CDH18: variants seen among roughly 807,000 people sequenced by gnomAD.
The protein encoded by CDH18 is cadherin-18.
Under a neutral mutation model 67.9 loss-of-function variants are expected in CDH18, and 31 were observed. That is an observed-to-expected ratio of 0.46 (90% CI 0.34 to 0.62). The LOEUF (loss-of-function observed/expected upper bound fraction) is 0.62. Ranked by LOEUF, CDH18 falls within the 20% of genes least tolerant of loss-of-function variation. CDH18 has a pLI of 0.01. For missense variants in CDH18, 890 were observed against 975.5 expected, an observed-to-expected ratio of 0.91 and a Z score of 1.17; for synonymous variants, 362 against 347.2, an observed-to-expected ratio of 1.04 and a Z score of -0.48.
At chr5:19,881,346 G>T (rs1460434549) in intron 2 of CDH18, among the ~76,000 whole-genome samples, 1 of 151,582 alleles carries the variant, frequency 6.6e-6, no homozygotes, top group Non-Finnish European at 1.5e-5. Context: ...GATTTTTTTT[G>T]TCAAGACAAA....
Position 19,605,765 on chromosome 5 carries a change from A to T in CDH18, c.811+6669T>A, listed in dbSNP as rs190704771. On this transcript the variant is annotated intron_variant, in intron 6 of 12. Coordinates refer to ENST00000382275, the MANE Select transcript of CDH18 (RefSeq NM_004934.5). ...ATATGCACATATACTGAGGGTATTT[A>T]AAAATATGTAGTGCTGGTTGAAAGA... Among the ~76,000 whole-genome samples, 825 of 152,238 alleles carry T rather than the reference A, an allele frequency of 5.4e-3. 7 individuals carry two copies. Among genetic ancestry groups the T allele is most frequent in the Non-Finnish European group, 8.3e-3 (564 of 68,010 alleles).
chr5:20,328,473 T>TTGTGTGTG (rs70954646), intron 1 of CDH18, among the ~76,000 whole-genome samples: 3 of 141,312 alleles, frequency 2.1e-5, no homozygotes, highest in African/African-American at 8.1e-5. Context: ...GAGAAGCCAT[T>TTGTGTGTG]TGTGTGTGTG....
rs1776427600 is a variant in CDH18 at position 19,792,154 on chromosome 5, ATTAGTAG to A, written c.229-44925_229-44919del. On this transcript the variant is annotated intron_variant, in intron 3 of 12. Coordinates refer to ENST00000382275, the MANE Select transcript of CDH18 (RefSeq NM_004934.5). The stretch of plus-strand genomic sequence containing the variant: ...TGTGTCTATGAGAATGTTTTTTTGA[ATTAGTAG>A]ATAGAGTAAAAAAGATCCCCCTCCC... 2.0e-5 allele frequency among the ~76,000 whole-genome samples: 3 copies of A among 152,100 alleles called. No individual in the cohort carries two copies. In the South Asian group the frequency reaches 6.2e-4, roughly 31 times the overall value.
intron 1 of CDH18, among the ~76,000 whole-genome samples, chr5:20,334,436 C>A (rs986034624): frequency 2.6e-4 from 40 of 152,166 alleles, no homozygotes; most frequent in African/African-American, 9.6e-4. Flanking sequence ...CGCGCCCGGC[C>A]TGACTTGAAT....
chr5:19,557,225 A>G (rs1264843054), intron 8 of CDH18, among the ~76,000 whole-genome samples: 1 of 152,086 alleles, frequency 6.6e-6, no homozygotes, highest in African/African-American at 2.4e-5. Context: ...ACAACAACAC[A>G]ATGAAATAAA....
intron 8 of CDH18, among the ~76,000 whole-genome samples, chr5:19,568,697 C>A (rs138026765): frequency 6.6e-6 from 1 of 152,294 alleles, no homozygotes; most frequent in East Asian, 1.9e-4. Context: ...GGGCTCTCTG[C>A]AAACCAGGAA....
At chr5:20,304,359 G>A (rs766163092) in intron 1 of CDH18, 2 of 1,495,208 alleles carry the variant, frequency 1.3e-6, no homozygotes, top group Non-Finnish European at 1.9e-6. Flanking sequence ...TTGTAAAATA[G>A]TTTACACTTT....
chr5:19,991,040 C>T (rs1181388087), upstream of CDH18, among the ~76,000 whole-genome samples: 3 of 152,136 alleles, frequency 2.0e-5, no homozygotes, highest in Non-Finnish European at 4.4e-5. Flanking sequence ...GACAGAGACA[C>T]ATCTAACACA....
At chr5:20,115,740 G>C (rs1747854122) in intron 2 of CDH18, among the ~76,000 whole-genome samples, 2 of 152,042 alleles carry the variant, frequency 1.3e-5, no homozygotes, top group African/African-American at 4.8e-5. Flanking sequence ...TAAATATTAT[G>C]ACTTCATGTA....
At chr5:20,306,171 C>T (rs1736432998) in intron 1 of CDH18, among the ~76,000 whole-genome samples, 2 of 152,096 alleles carry the variant, frequency 1.3e-5, no homozygotes, top group African/African-American at 4.8e-5. Flanking sequence ...AGGATCAAAA[C>T]ATAAAGGAAA....
chr5:19,811,172 AAG>A (rs1228106049), intron 3 of CDH18, among the ~76,000 whole-genome samples: 3 of 149,772 alleles, frequency 2.0e-5, no homozygotes, highest in African/African-American at 7.3e-5. Context: ...GAGAGAAAGA[AAG>A]AGAAGAAAGA....
intron 5 of CDH18, among the ~76,000 whole-genome samples, chr5:19,623,269 G>A (rs893807217): frequency 1.3e-4 from 20 of 152,238 alleles, no homozygotes; most frequent in African/African-American, 4.6e-4. Context: ...CATAGAACAC[G>A]ACTTCCTGTA....
intron 1 of CDH18, among the ~76,000 whole-genome samples, chr5:20,326,970 C>T (rs1376175273): frequency 6.6e-6 from 1 of 152,178 alleles, no homozygotes; most frequent in African/African-American, 2.4e-5. Flanking sequence ...GGTGAATGTA[C>T]TGTGACCCTT....
chr5:19,738,797 A>G lies in CDH18; in HGVS notation c.523+8145T>C, dbSNP rs529839641. ...ATAACTAATGGTTACTAGGCTTTATACCTGAATGACGAAATAATCTATACA... is the reference window on the plus strand; with the variant it reads ...ATAACTAATGGTTACTAGGCTTTATGCCTGAATGACGAAATAATCTATACA... On this transcript the variant is annotated intron_variant, in intron 4 of 12. Transcript: ENST00000382275. 9.2e-5 allele frequency among the ~76,000 whole-genome samples: 14 copies of G among 152,202 alleles called. 1 individual carries two copies. The highest frequency in any genetic ancestry group is 8.5e-4 in the Admixed American group (13 of 15,282).
At chr5:20,567,301 C>A (rs1160716687) in intron 1 of CDH18, among the ~76,000 whole-genome samples, 1 of 152,138 alleles carries the variant, frequency 6.6e-6, no homozygotes, top group Non-Finnish European at 1.5e-5. Context: ...TAGAAAGTGA[C>A]ATAAACTTTC....
At chr5:19,982,151 TG>T (rs1799115809) in intron 1 of CDH18, among the ~76,000 whole-genome samples, 3 of 152,192 alleles carry the variant, frequency 2.0e-5, no homozygotes, top group South Asian at 4.1e-4. Context: ...GATTGGTCTT[TG>T]GGAACTGGTT....
chr5:20,535,759 C>T (rs956909473), intron 1 of CDH18, among the ~76,000 whole-genome samples: 4 of 152,104 alleles, frequency 2.6e-5, no homozygotes, highest in African/African-American at 7.2e-5. Flanking sequence ...AGCTTCCTCT[C>T]ACTCACATGC....
At chr5:20,454,627 C>G (rs143847088) in intron 1 of CDH18, among the ~76,000 whole-genome samples, 1 of 152,064 alleles carries the variant, frequency 6.6e-6, no homozygotes, top group Non-Finnish European at 1.5e-5. Flanking sequence ...TATCTTATAA[C>G]AAGTTAGCTT....
chr5:20,196,487 T>C (rs1738991388), intron 2 of CDH18, among the ~76,000 whole-genome samples: 1 of 152,310 alleles, frequency 6.6e-6, no homozygotes, highest in Admixed American at 6.5e-5. Context: ...TACTCTGCTT[T>C]ATCTTTCAAA....
Sources: allele counts gnomAD v4.1 joint callset (sites outside exome capture counted in the v4.1 genomes callset), GRCh38; gene constraint gnomAD v4.1.1; transcripts MANE v1.5; gene names NCBI Gene and HGNC (gene_info 2026-07-23, HGNC 2026-07-21).